Variants in SNED1 observed in about 807,000 individuals in gnomAD.
SNED1 encodes the protein sushi, nidogen and EGF-like domain-containing protein 1.
In SNED1, 81 loss-of-function variants were observed where a neutral mutation model predicts 166.7. The ratio of observed to expected loss-of-function variants is 0.49; its 90% CI spans 0.41 to 0.58. The LOEUF is 0.58. SNED1 is among the 20% of genes least tolerant of loss of function. SNED1 has a pLI of 0.00. For synonymous variants in SNED1, 762 were observed against 822.0 expected (o/e 0.93, Z 1.25); for missense variants, 1,604 against 2,000.2 (o/e 0.80, Z 3.78).
At chr2:241,016,492 G>A (rs749186057) in intron 1 of SNED1, among the ~76,000 whole-genome samples, 9 of 139,104 alleles carry the variant, frequency 6.5e-5, no homozygotes, top group Non-Finnish European at 1.3e-4. Context: ...CACCACGCCC[G>A]GCCCATGGTG....
Position 241,084,920 on chromosome 2 carries a change from T to C in SNED1, c.4122-2472T>C, listed in dbSNP as rs543721131. Among the ~76,000 whole-genome samples, 140 of 152,346 alleles carry C rather than the reference T, an allele frequency of 9.2e-4. 1 individual carries two copies. The highest frequency in any genetic ancestry group is 2.6e-3 in the African/African-American group (110 of 41,578). ...ACTTCTTGATTGACAGTTATATTTTTTTCTTTCATGACTTAAAAGTTGTCA... is the reference window on the plus strand; with the variant it reads ...ACTTCTTGATTGACAGTTATATTTTCTTCTTTCATGACTTAAAAGTTGTCA... On this transcript the variant is annotated intron_variant, in intron 29 of 31. Coordinates refer to ENST00000310397, the MANE Select transcript of SNED1 (RefSeq NM_001080437.3).
chr2:241,070,347 T>A (rs901455526), intron 24 of SNED1, 146 bp downstream of exon 24: 3 of 901,412 alleles, frequency 3.3e-6, no homozygotes, highest in Non-Finnish European at 4.9e-6. Flanking sequence ...GGAGTCTGTG[T>A]ATGAAAGTGG....
Position 241,071,718 on chromosome 2 carries a change from C to CCCCCGGGA in SNED1, c.3732_3733insCCCCGGGA (p.Arg1245ProfsTer15). ...CCCCCGAGACCCCCACCCAGCCCCCCAGGTACATGCCCCACCCATCGGCCC... is the reference window on the plus strand; with the variant it reads ...CCCCCGAGACCCCCACCCAGCCCCCCCCCCGGGAAGGTACATGCCCCACCCATCGGCCC... On this transcript the variant is annotated frameshift_variant and splice_region_variant, in exon 25 of 32. Coordinates refer to ENST00000310397, the MANE Select transcript of SNED1 (RefSeq NM_001080437.3). LOFTEE classifies it high-confidence loss of function. The CCCCCGGGA allele has an allele frequency of 1.3e-6, 2 of 1,503,676 alleles. No individual in the cohort carries two copies. The highest frequency in any genetic ancestry group is 1.8e-6 in the Non-Finnish European group (2 of 1,112,824). 93.1% of individuals were successfully genotyped at this position (1,503,676 alleles called of 1,614,324 possible).
chr2:241,076,100 C>T (rs968745601), intron 27 of SNED1, among the ~76,000 whole-genome samples: 2 of 152,208 alleles, frequency 1.3e-5, no homozygotes, highest in Non-Finnish European at 2.9e-5. Context: ...TCTTCATCTT[C>T]AGAAGTATCA....
chr2:241,087,197 T>A, intron 29 of SNED1, 195 bp from the exon 30 acceptor site: 1 of 573,836 alleles, frequency 1.7e-6, no homozygotes, highest in South Asian at 2.6e-5. Context: ...TGTACCACAA[T>A]AAATTTATTA....
chr2:241,065,879 G>C (rs906911606), intron 21 of SNED1, among the ~76,000 whole-genome samples: 1 of 152,148 alleles, frequency 6.6e-6, no homozygotes, highest in Non-Finnish European at 1.5e-5. Context: ...AAGTGGGACT[G>C]GGGAGGAATG....
chr2:241,059,585 C>T (rs987192505), intron 16 of SNED1, among the ~76,000 whole-genome samples: 2 of 152,194 alleles, frequency 1.3e-5, no homozygotes, highest in Non-Finnish European at 2.9e-5. Flanking sequence ...ATGATACAGT[C>T]ATGACCAAGT....
intron 27 of SNED1, among the ~76,000 whole-genome samples, chr2:241,079,135 G>A (rs1289141140): frequency 5.1e-5 from 6 of 116,836 alleles, no homozygotes; most frequent in Non-Finnish European, 3.5e-5. Flanking sequence ...AAAAAAGGCC[G>A]GGCGCGGTGG....
chr2:241,013,114 G>A lies in SNED1; in HGVS notation c.213+14064G>A, dbSNP rs1431716243. Among the ~76,000 whole-genome samples, 4 of 152,028 alleles carry A rather than the reference G, an allele frequency of 2.6e-5. No individual in the cohort carries two copies. The highest frequency in any genetic ancestry group is 1.9e-4 in the East Asian group (1 of 5,166). On this transcript the variant is annotated intron_variant, in intron 1 of 31. Transcript: ENST00000310397. The surrounding 1 kb of genome is among the most constrained non-coding windows in gnomAD (Gnocchi z 4.6). ...CTCCCAAAGTGATGGGATTACAGGCGTGAGCCACCGCGCCCGGCCACGAGC... is the reference window on the plus strand; with the variant it reads ...CTCCCAAAGTGATGGGATTACAGGCATGAGCCACCGCGCCCGGCCACGAGC...
Position 241,081,771 on chromosome 2 carries a change from C to G in SNED1, c.4011C>G (p.Phe1337Leu), listed in dbSNP as rs1309527742. 2 of 1,596,790 alleles carry G rather than the reference C, an allele frequency of 1.3e-6. No individual in the cohort carries two copies. The highest frequency in any genetic ancestry group is 1.7e-6 in the Non-Finnish European group (2 of 1,171,604). The change falls in exon 28 of 32, where the codon TTC (phenylalanine) becomes TTG (leucine). Residue 1337 changes from phenylalanine (F) to leucine (L), a missense_variant. Around this residue, in one of 2 missense-constraint regions of SNED1, gnomAD observed 367 missense variants for 379.4 expected, o/e 0.97. Transcript: ENST00000310397. ...ACAGCTGTGACTGCGGGCCAGGGTT[C>G]AAAGGCAGACGCTGCGAGCTCGGTA... ...DAHSCDCGPGFKGRRCELACI... is the reference protein window; with the variant it reads ...DAHSCDCGPGLKGRRCELACI...
chr2:241,088,552 G>A (rs562619542), intron 31 of SNED1, 150 bp downstream of exon 31: 9 of 666,170 alleles, frequency 1.4e-5, no homozygotes, highest in South Asian at 5.2e-5. Flanking sequence ...ACAGACTCCC[G>A]GGCAGGAAGG....
chr2:241,007,454 T>G (rs2060252189), intron 1 of SNED1, among the ~76,000 whole-genome samples: 1 of 152,232 alleles, frequency 6.6e-6, no homozygotes, highest in South Asian at 2.1e-4. Flanking sequence ...AATGCGTCTT[T>G]TTTTAGTATT....
intron 16 of SNED1, among the ~76,000 whole-genome samples, chr2:241,058,545 C>T (rs917815633): frequency 1.3e-5 from 2 of 152,102 alleles, no homozygotes; most frequent in African/African-American, 4.8e-5. Context: ...TAGATTACAA[C>T]AAAATTAATT....
intron 29 of SNED1, among the ~76,000 whole-genome samples, chr2:241,084,027 GTT>G (rs1240980050): frequency 1.3e-5 from 2 of 151,388 alleles, no homozygotes; most frequent in African/African-American, 4.9e-5. Context: ...TACTTCTTAG[GTT>G]TATTGTTTAG....
At chr2:241,017,129 G>T (rs2060622700) in intron 1 of SNED1, among the ~76,000 whole-genome samples, 1 of 152,166 alleles carries the variant, frequency 6.6e-6, no homozygotes, top group Non-Finnish European at 1.5e-5. Context: ...GGGATTCCAG[G>T]CGTGAGCCAC....
intron 30 of SNED1, chr2:241,088,026 TGCA>T: frequency 2.5e-6 from 1 of 405,982 alleles, no homozygotes. Flanking sequence ...GGCCGCAGCC[TGCA>T]GCTCACCAGC....
chr2:241,031,401 G>A (rs2061164037), intron 2 of SNED1, among the ~76,000 whole-genome samples: 1 of 152,184 alleles, frequency 6.6e-6, no homozygotes, highest in South Asian at 2.1e-4. Context: ...CTGACCTCAG[G>A]TGATCCGCCC....
intron 4 of SNED1, among the ~76,000 whole-genome samples, chr2:241,035,856 G>A (rs2061338765): frequency 7.8e-6 from 1 of 128,156 alleles, no homozygotes; most frequent in Non-Finnish European, 1.7e-5. Context: ...AGGGTTGGGA[G>A]TGAGGGGTAG....
chr2:241,071,985 G>A (rs372234455), intron 26 of SNED1, 107 bp downstream of exon 26: 56 of 976,694 alleles, frequency 5.7e-5, no homozygotes, highest in East Asian at 2.1e-4. Context: ...CACCGCCAGC[G>A]CAGTCTCCAG....
Sources: allele counts gnomAD v4.1 joint callset (sites outside exome capture counted in the v4.1 genomes callset), GRCh38; gene constraint gnomAD v4.1.1; regional missense constraint gnomAD v4.1.1; non-coding constraint Gnocchi (gnomAD v3.1); transcripts MANE v1.5; gene names NCBI Gene and HGNC (gene_info 2026-07-23, HGNC 2026-07-21).